The following SRGAP1 variants were observed in gnomAD, a reference collection of about 807,000 sequenced individuals.
The protein encoded by SRGAP1 is SLIT-ROBO Rho GTPase-activating protein 1.
SRGAP1 carries 43 observed loss-of-function variants against 121.9 expected under a neutral mutation model. The ratio of observed to expected loss-of-function variants is 0.35; its 90% confidence interval spans 0.28 to 0.46. The LOEUF is 0.46. Ranked by LOEUF, SRGAP1 falls within the 20% of genes least tolerant of loss-of-function variation. SRGAP1 has a pLI of 1.00. For synonymous variants in SRGAP1, 447 were observed against 485.4 expected (o/e 0.92, Z 1.04); for missense variants, 1,102 against 1,350.9 (o/e 0.82, Z 2.89).
intron 10 of SRGAP1, among the ~76,000 whole-genome samples, chr12:64,082,637 C>CG (rs1186927429): frequency 9.9e-5 from 15 of 152,046 alleles, no homozygotes; most frequent in East Asian, 3.9e-4. Flanking sequence ...TTAGTAGAGA[C>CG]AGGGGTCTCA....
chr12:64,025,708 C>A (rs1000678220), intron 4 of SRGAP1, among the ~76,000 whole-genome samples: 1 of 152,146 alleles, frequency 6.6e-6, no homozygotes, highest in Non-Finnish European at 1.5e-5. Context: ...AAAGGATTTC[C>A]GTACCTCCTT....
intron 1 of SRGAP1, among the ~76,000 whole-genome samples, chr12:63,906,235 T>C (rs1345687771): frequency 6.6e-6 from 1 of 152,246 alleles, no homozygotes; most frequent in Non-Finnish European, 1.5e-5. Flanking sequence ...AATTGCTGAT[T>C]AGTATCTCAT....
chr12:63,985,410 T>C (rs2033387518), intron 2 of SRGAP1, among the ~76,000 whole-genome samples: 2 of 152,140 alleles, frequency 1.3e-5, no homozygotes, highest in African/African-American at 4.8e-5. Context: ...CCTGGGGATC[T>C]TCCTGGCCAG....
intron 16 of SRGAP1, among the ~76,000 whole-genome samples, chr12:64,109,415 T>C (rs2036397650): frequency 6.6e-6 from 1 of 152,190 alleles, no homozygotes; most frequent in African/African-American, 2.4e-5. Flanking sequence ...CTTTTTAATA[T>C]TGTAGTTGAG....
rs192261439 is a variant in SRGAP1 at position 64,160,749 on chromosome 12, A to T, written c.*18077A>T. 48 of 152,244 alleles carry T rather than the reference A, an allele frequency of 3.2e-4. No individual in the cohort carries two copies. Among genetic ancestry groups the T allele is most frequent in the African/African-American group, 1.1e-3 (44 of 41,534 alleles). 9.4% of individuals were successfully genotyped at this position (152,244 alleles called of 1,614,324 possible). A position where few individuals can be genotyped will look rare whatever the true frequency, so the allele number is the denominator to read the frequency against. On this transcript the variant is annotated 3_prime_UTR_variant, in exon 22 of 22. Coordinates refer to ENST00000355086, the MANE Select transcript of SRGAP1 (RefSeq NM_020762.4). Reference sequence around the variant, plus strand: ...TTTCTCAGAGTGGCTCATTATCTGGAAAGTGTAAGAATGAGGTGGCAGAAA... The same window carrying T: ...TTTCTCAGAGTGGCTCATTATCTGGTAAGTGTAAGAATGAGGTGGCAGAAA...
rs1900794153 is a variant in SRGAP1, at chr12:63,897,536, T to C, written c.67+52653T>C. Among the ~76,000 whole-genome samples the C allele has an allele frequency of 3.3e-5, 5 of 152,184 alleles. No homozygotes were observed. In the South Asian group the frequency reaches 1.0e-3, roughly 31 times the overall value. ...TGGAAAGAGGTGAAAAAAATTCCTC[T>C]AAAAGGAATTCAGTTAGCCTTCTAT... On this transcript the variant is annotated intron_variant, in intron 1 of 21. Coordinates refer to ENST00000355086, the MANE Select transcript of SRGAP1 (RefSeq NM_020762.4).
At chr12:63,966,269 A>T (rs2032788278) in intron 1 of SRGAP1, among the ~76,000 whole-genome samples, 1 of 152,188 alleles carries the variant, frequency 6.6e-6, no homozygotes, top group South Asian at 2.1e-4. Context: ...GTTATTCTTT[A>T]TTGAGCATTT....
chr12:63,995,650 G>T (rs913604271), intron 3 of SRGAP1, among the ~76,000 whole-genome samples: 19 of 152,060 alleles, frequency 1.2e-4, no homozygotes, highest in Admixed American at 1.2e-3. Context: ...TTATAGGGAG[G>T]GATTCAAAGC....
At chr12:64,114,749 T>C (rs1255572317) in intron 17 of SRGAP1, among the ~76,000 whole-genome samples, 1 of 152,208 alleles carries the variant, frequency 6.6e-6, no homozygotes, top group Non-Finnish European at 1.5e-5. Flanking sequence ...CAATATTATT[T>C]ATATTCTAGG....
chr12:64,083,447 T>A (rs1234079486), intron 10 of SRGAP1, among the ~76,000 whole-genome samples: 1 of 152,176 alleles, frequency 6.6e-6, no homozygotes, highest in African/African-American at 2.4e-5. Flanking sequence ...CCCAGTAAGT[T>A]CTTTGATTTA....
chr12:63,904,093 C>T (rs1392454178), intron 1 of SRGAP1, among the ~76,000 whole-genome samples: 1 of 151,984 alleles, frequency 6.6e-6, no homozygotes, highest in African/African-American at 2.4e-5. Flanking sequence ...CCCTTCCCTC[C>T]CACCCGAGAT....
At chr12:63,978,292 C>T (rs1195553955) in intron 1 of SRGAP1, among the ~76,000 whole-genome samples, 1 of 152,172 alleles carries the variant, frequency 6.6e-6, no homozygotes, top group Non-Finnish European at 1.5e-5. Context: ...CCAGGTTTTG[C>T]GACCAGAGCC....
At chr12:63,920,171 T>C (rs1217268500) in intron 1 of SRGAP1, among the ~76,000 whole-genome samples, 2 of 152,240 alleles carry the variant, frequency 1.3e-5, no homozygotes, top group Admixed American at 6.5e-5. Context: ...CGTGGTATTA[T>C]AAAACATCTT....
At chr12:63,902,332 A>G (rs768105023) in intron 1 of SRGAP1, among the ~76,000 whole-genome samples, 40 of 152,354 alleles carry the variant, frequency 2.6e-4, no homozygotes, top group Non-Finnish European at 5.4e-4. Flanking sequence ...CAAGAACAGT[A>G]TTAACCCTCA....
At chr12:64,138,430 A>C (rs1252685889) in intron 21 of SRGAP1, among the ~76,000 whole-genome samples, 1 of 138,332 alleles carries the variant, frequency 7.2e-6, no homozygotes, top group Non-Finnish European at 1.6e-5. Flanking sequence ...CCCTTTTACT[A>C]TCTGAAATAA....
chr12:64,031,401 A>C (rs1343114457), intron 4 of SRGAP1, among the ~76,000 whole-genome samples: 2 of 151,974 alleles, frequency 1.3e-5, no homozygotes. Context: ...ATAAATTCTT[A>C]CAGAATTTAG....
In SRGAP1 at chr12:64,148,604, TAAAA is replaced by T. The variant is rs373506360; in HGVS notation, c.*5937_*5940del. 1.1e-4 allele frequency: 17 copies of T among 152,008 alleles called. No individual in the cohort carries two copies. In the East Asian group the frequency reaches 3.1e-3, roughly 28 times the overall value. The allele number at this position is 152,008 out of a possible 1,614,324, so 9.4% of individuals were successfully genotyped here. On this transcript the variant is annotated 3_prime_UTR_variant, in exon 22 of 22. Transcript: ENST00000355086. ...CTGGCCAGGTATTTTTCTTTAAATA[TAAAA>T]AAAAGATAACTTGAGGTCTAGCAAT...
At chr12:63,872,663 G>A (rs942276201) in intron 1 of SRGAP1, among the ~76,000 whole-genome samples, 68 of 152,266 alleles carry the variant, frequency 4.5e-4, no homozygotes, top group African/African-American at 1.6e-3. Flanking sequence ...AACAGCTATT[G>A]AATATCTTTA....
intron 3 of SRGAP1, among the ~76,000 whole-genome samples, chr12:64,000,064 C>T (rs1361911039): frequency 2.0e-5 from 3 of 152,032 alleles, no homozygotes; most frequent in African/African-American, 7.2e-5. Flanking sequence ...GTCCACTGAA[C>T]TGAGCAGCAA....
Sources: allele counts gnomAD v4.1 joint callset (sites outside exome capture counted in the v4.1 genomes callset), GRCh38; gene constraint gnomAD v4.1.1; transcripts MANE v1.5; gene names NCBI Gene and HGNC (gene_info 2026-07-23, HGNC 2026-07-21).